The following DMD variants were observed in gnomAD, a reference collection of about 807,000 sequenced individuals.
DMD encodes the protein dystrophin.
Under a neutral mutation model 330.1 loss-of-function variants are expected in DMD, and 63 were observed. The observed-to-expected ratio is 0.19, with a 90% confidence interval of 0.16 to 0.24. The LOEUF (loss-of-function observed/expected upper bound fraction) is 0.24, where lower values mean the gene tolerates loss of function less well. Among genes scored for constraint, DMD ranks in the 10% least tolerant of loss-of-function variants. The probability of loss-of-function intolerance (pLI) is 1.00; values close to 1 mark genes in which losing one functional copy is unlikely to be tolerated. For synonymous variants in DMD, 1,223 were observed against 959.8 expected (o/e 1.27, Z -5.07); for missense variants, 3,344 against 2,684.1 (o/e 1.25, Z -5.43).
intron 1 of DMD, chrX:33,128,199 A>T (rs760904502): frequency 8.3e-7 from 1 of 1,199,937 alleles, no homozygotes; most frequent in South Asian, 1.8e-5. Context: ...ACACACCTTC[A>T]TAGGAAAGCT....
chrX:32,864,481 TTTTC>T (rs1376612066), intron 2 of DMD, among the ~76,000 whole-genome samples: 13 of 112,347 alleles, frequency 1.2e-4, no homozygotes, highest in African/African-American at 3.9e-4. Context: ...TTAATATATC[TTTTC>T]TTTCTTCTAT....
At chrX:31,838,035 C>T (rs1290720059) in intron 48 of DMD, among the ~76,000 whole-genome samples, 1 of 111,925 alleles carries the variant, frequency 8.9e-6, no homozygotes, top group East Asian at 2.8e-4. Flanking sequence ...AATTGATGGT[C>T]TTACTGCCCC....
intron 63 of DMD, among the ~76,000 whole-genome samples, chrX:31,238,806 G>A (rs1039203624): frequency 1.8e-5 from 2 of 111,553 alleles, no homozygotes; most frequent in African/African-American, 6.5e-5. Context: ...CCATGATACC[G>A]GGCAAGGAGC....
chrX:31,266,994 G>A (rs1291668585), intron 62 of DMD: 2 of 778,834 alleles, frequency 2.6e-6, no homozygotes, highest in African/African-American at 2.3e-5. Context: ...GGGGCGCTGC[G>A]GGCAGACGGG....
intron 19 of DMD, among the ~76,000 whole-genome samples, chrX:32,494,625 C>T (rs753665156): frequency 1.2e-4 from 13 of 111,135 alleles, no homozygotes; most frequent in Admixed American, 1.9e-4. Context: ...ATAACAAATG[C>T]TGACACATAC....
At chrX:33,000,838 T>A (rs1464058266) in intron 2 of DMD, among the ~76,000 whole-genome samples, 1 of 112,251 alleles carries the variant, frequency 8.9e-6, no homozygotes, top group Non-Finnish European at 1.9e-5. Context: ...GAAATGTAAA[T>A]ACTATATAAA....
At chrX:32,655,761 C>T (rs5972636) in intron 9 of DMD, among the ~76,000 whole-genome samples, 8,835 of 110,837 alleles carry the variant, frequency 0.08, 870 homozygotes, top group African/African-American at 0.28. Context: ...CCATTATTAA[C>T]GTGTGGGAGT....
At chrX:31,610,715 C>T (rs769972547) in intron 55 of DMD, among the ~76,000 whole-genome samples, 2 of 111,539 alleles carry the variant, frequency 1.8e-5, no homozygotes, top group Non-Finnish European at 3.8e-5. Flanking sequence ...TTATGGGATT[C>T]AACCTGAAAA....
At chrX:32,284,955 T>A (rs1333809890) in intron 43 of DMD, among the ~76,000 whole-genome samples, 1 of 111,730 alleles carries the variant, frequency 9.0e-6, no homozygotes, top group Non-Finnish European at 1.9e-5. Flanking sequence ...GGGGTGAGAT[T>A]TCAGCGACCC....
At chrX:32,927,270 C>G in intron 2 of DMD, among the ~76,000 whole-genome samples, 1 of 108,380 alleles carries the variant, frequency 9.2e-6, no homozygotes, top group Middle Eastern at 4.7e-3. Context: ...ATGATAGGTT[C>G]TTAATAAATA....
chrX:32,265,702 G>A (rs1245996739), intron 43 of DMD, among the ~76,000 whole-genome samples: 2 of 112,669 alleles, frequency 1.8e-5, no homozygotes, highest in African/African-American at 6.4e-5. Context: ...CAGAGTCAAA[G>A]GAGATTATCT....
intron 44 of DMD, among the ~76,000 whole-genome samples, chrX:32,161,118 C>G (rs185631800): frequency 9.0e-6 from 1 of 111,591 alleles, no homozygotes; most frequent in African/African-American, 3.3e-5. Flanking sequence ...GGGCAATGAG[C>G]TCGCACTTCT....
rs1466881600 is a variant in DMD at position 31,730,949 on chromosome X, G to A, written c.7543-1201C>T. On this transcript the variant is annotated intron_variant, in intron 51 of 78. Coordinates refer to ENST00000357033, the MANE Select transcript of DMD (RefSeq NM_004006.3). ...CTTTGACTCCTGCTGATTTTCTAAC[G>A]AATTTTGGTTTTGGAAAGGCCAAAT... 7.2e-5 allele frequency among the ~76,000 whole-genome samples: 8 copies of A among 111,592 alleles called. No individual in the cohort carries two copies. The East Asian group carries it at 1.1e-3, about 16-fold the overall frequency.
At chrX:31,550,869 A>C (rs1022908011) in intron 55 of DMD, among the ~76,000 whole-genome samples, 13 of 111,817 alleles carry the variant, frequency 1.2e-4, no homozygotes, top group Admixed American at 2.8e-4. Flanking sequence ...AGGAGAGGAA[A>C]AGGAAGAAAC....
At chrX:33,225,535 T>G (rs1340953072) in intron 1 of DMD, among the ~76,000 whole-genome samples, 2 of 111,311 alleles carry the variant, frequency 1.8e-5, no homozygotes, top group Non-Finnish European at 3.8e-5. Flanking sequence ...AAAAAGAACC[T>G]TGACATAACT....
intron 47 of DMD, among the ~76,000 whole-genome samples, chrX:31,923,569 T>C (rs1022522062): frequency 9.3e-6 from 1 of 107,896 alleles, no homozygotes; most frequent in Admixed American, 1.0e-4. Context: ...TATCAGACTA[T>C]ATGCCCAATA....
At chrX:31,393,861 A>G (rs2148805227) in intron 60 of DMD, among the ~76,000 whole-genome samples, 1 of 112,266 alleles carries the variant, frequency 8.9e-6, no homozygotes, top group South Asian at 3.7e-4. Context: ...GCAAATGAAT[A>G]AACTAGCGTT....
intron 13 of DMD, among the ~76,000 whole-genome samples, chrX:32,584,465 T>A (rs192042692): frequency 8.9e-6 from 1 of 112,033 alleles, no homozygotes; most frequent in African/African-American, 3.2e-5. Flanking sequence ...CACAAAAATA[T>A]ACGTACAATT....
At chrX:32,402,409 G>T (rs1185650531) in intron 30 of DMD, among the ~76,000 whole-genome samples, 3 of 111,247 alleles carry the variant, frequency 2.7e-5, no homozygotes, top group African/African-American at 9.8e-5. Flanking sequence ...AATTTATAGA[G>T]TCATGTATAT....
Sources: gnomAD v4.1 joint callset for allele counts (sites outside exome capture counted in the v4.1 genomes callset) on GRCh38, gnomAD v4.1.1 for gene constraint, MANE v1.5 for transcripts, NCBI Gene and HGNC (gene_info 2026-07-23, HGNC 2026-07-21) for gene names.